MSRA: variants seen among roughly 807,000 people sequenced by gnomAD.
The protein encoded by MSRA is mitochondrial peptide methionine sulfoxide reductase.
MSRA carries 54 observed loss-of-function variants against 31.3 expected under a neutral mutation model. The observed-to-expected ratio is 1.73, with a 90% confidence interval of 1.39 to 2.17. The LOEUF (loss-of-function observed/expected upper bound fraction) is 2.17. Ranked by LOEUF, MSRA falls within the 30% of genes most tolerant of loss-of-function variation. The pLI is 0.00. For missense variants in MSRA, 507 were observed against 300.9 expected, an observed-to-expected ratio of 1.69 and a Z score of -5.07; for synonymous variants, 169 against 116.5, an observed-to-expected ratio of 1.45 and a Z score of -2.90.
chr8:10,133,577 C>G (rs1236376776), intron 1 of MSRA, among the ~76,000 whole-genome samples: 1 of 152,168 alleles, frequency 6.6e-6, no homozygotes, highest in African/African-American at 2.4e-5. Context: ...TGTGGCCCTT[C>G]CAGTGTGAAC....
chr8:10,069,756 A>G (rs1797640557), intron 1 of MSRA, among the ~76,000 whole-genome samples: 1 of 152,188 alleles, frequency 6.6e-6, no homozygotes, highest in Admixed American at 6.5e-5. Context: ...TGGGAATTCA[A>G]TTTCAACACC....
Position 10,206,045 on chromosome 8 carries a change from C to T in MSRA, c.143-1788C>T, listed in dbSNP as rs545914138. 1.5e-4 allele frequency among the ~76,000 whole-genome samples: 23 copies of T among 152,172 alleles called. No individual in the cohort carries two copies. The South Asian group carries it at 4.4e-3, about 29-fold the overall frequency. On this transcript the variant is annotated intron_variant, in intron 1 of 5. Coordinates refer to ENST00000317173, the MANE Select transcript of MSRA (RefSeq NM_012331.5). ...TATTATGTGTATCACCTTTTCTTCT[C>T]GTGTGTTTTTTTCTTAAGGTGTATT...
chr8:10,119,342 T>C (rs77157857), intron 1 of MSRA, among the ~76,000 whole-genome samples: 2,553 of 152,314 alleles, frequency 0.017, 40 homozygotes, highest in South Asian at 0.035. Flanking sequence ...CGCTGTAGGA[T>C]CCTGCTATTT....
chr8:10,310,823 A>G (rs987011170), intron 4 of MSRA, among the ~76,000 whole-genome samples: 10 of 152,264 alleles, frequency 6.6e-5, no homozygotes, highest in African/African-American at 2.4e-4. Context: ...ATCAGAAAGC[A>G]GAAAACATGA....
chr8:10,242,265 C>T (rs1299145399), intron 2 of MSRA, among the ~76,000 whole-genome samples: 20 of 98,638 alleles, frequency 2.0e-4, no homozygotes, highest in Middle Eastern at 4.7e-3. Flanking sequence ...AGGGAGACTC[C>T]ATCTCAAAAA....
At chr8:10,374,913 C>G (rs898346531) in intron 5 of MSRA, among the ~76,000 whole-genome samples, 5 of 152,110 alleles carry the variant, frequency 3.3e-5, no homozygotes, top group African/African-American at 1.2e-4. Context: ...CATGCAAGAG[C>G]TGGTTGCTTA....
At chr8:10,104,676 A>G (rs892830284) in intron 1 of MSRA, among the ~76,000 whole-genome samples, 6 of 152,210 alleles carry the variant, frequency 3.9e-5, no homozygotes, top group African/African-American at 1.4e-4. Context: ...AATGTTTCTT[A>G]TCAGACTTAA....
chr8:10,124,543 C>T (rs1315535611), intron 1 of MSRA, among the ~76,000 whole-genome samples: 2 of 152,250 alleles, frequency 1.3e-5, no homozygotes, highest in African/African-American at 2.4e-5. Flanking sequence ...CTAGGACTCA[C>T]TTCTTGCTCC....
At position 10,229,393 on chromosome 8, in the gene MSRA, A is replaced by G. The variant is rs115484895; in HGVS notation, c.212-15711A>G. Among the ~76,000 whole-genome samples the G allele has an allele frequency of 1.8e-3, 278 of 152,324 alleles. 3 individuals are homozygous for G. Among genetic ancestry groups the G allele is most frequent in the African/African-American group, 6.4e-3 (268 of 41,572 alleles). On this transcript the variant is annotated intron_variant, in intron 2 of 5. Coordinates refer to ENST00000317173, the MANE Select transcript of MSRA (RefSeq NM_012331.5). ...GGAGAAACTGGCTCAGGAATTCTGT[A>G]GGCAGCGTCCAGAGAGGCTGCTATG... is the stretch of plus-strand genomic sequence containing the variant.
At chr8:10,231,205 C>G (rs1429161577) in intron 2 of MSRA, among the ~76,000 whole-genome samples, 1 of 151,586 alleles carries the variant, frequency 6.6e-6, no homozygotes, top group Non-Finnish European at 1.5e-5. Context: ...GGGAGGAGGG[C>G]TGCAGTGAGG....
chr8:10,412,431 A>G (rs1353450541), intron 5 of MSRA, among the ~76,000 whole-genome samples: 1 of 152,246 alleles, frequency 6.6e-6, no homozygotes, highest in African/African-American at 2.4e-5. Context: ...ATGGGAATGA[A>G]TGTGGACCTG....
intron 1 of MSRA, among the ~76,000 whole-genome samples, chr8:10,156,226 G>A (rs1804142599): frequency 1.3e-5 from 2 of 152,198 alleles, no homozygotes; most frequent in Admixed American, 1.3e-4. Flanking sequence ...AAACAAAATG[G>A]CTATAAAGGA....
At chr8:10,246,757 G>A (rs1797642837) in intron 3 of MSRA, among the ~76,000 whole-genome samples, 1 of 152,176 alleles carries the variant, frequency 6.6e-6, no homozygotes, top group Non-Finnish European at 1.5e-5. Flanking sequence ...TCTAGAGAAG[G>A]ATTGAAATAT....
intron 1 of MSRA, among the ~76,000 whole-genome samples, chr8:10,072,438 G>A (rs759037151): frequency 5.9e-5 from 9 of 151,942 alleles, no homozygotes; most frequent in Non-Finnish European, 8.8e-5. Context: ...TCTGTTTCTG[G>A]GTCCTTACTC....
intron 3 of MSRA, among the ~76,000 whole-genome samples, chr8:10,277,889 A>G (rs1241011087): frequency 3.9e-5 from 6 of 152,172 alleles, no homozygotes; most frequent in Admixed American, 2.6e-4. Flanking sequence ...ATTTTTATTT[A>G]TCAATAAAAA....
chr8:10,125,124 A>T (rs1352874057), intron 1 of MSRA, among the ~76,000 whole-genome samples: 2 of 152,218 alleles, frequency 1.3e-5, no homozygotes, highest in African/African-American at 4.8e-5. Flanking sequence ...CCAGATTTTG[A>T]GGATATGTCC....
At chr8:10,180,351 A>G (rs1806432151) in intron 1 of MSRA, among the ~76,000 whole-genome samples, 1 of 152,112 alleles carries the variant, frequency 6.6e-6, no homozygotes, top group African/African-American at 2.4e-5. Context: ...TTGGGGTGCT[A>G]CCCTCCCTCA....
chr8:10,255,934 G>A (rs1056789215), intron 3 of MSRA, among the ~76,000 whole-genome samples: 7 of 151,976 alleles, frequency 4.6e-5, no homozygotes, highest in South Asian at 4.2e-4. Context: ...CACCATGCCC[G>A]CTATCAACAT....
chr8:10,306,730 A>G (rs1164984382), intron 4 of MSRA, among the ~76,000 whole-genome samples: 2 of 152,186 alleles, frequency 1.3e-5, no homozygotes, highest in Non-Finnish European at 1.5e-5. Flanking sequence ...AACACAATTC[A>G]GACCTCCTAG....
Sources: gnomAD v4.1 joint callset for allele counts (sites outside exome capture counted in the v4.1 genomes callset) on GRCh38, gnomAD v4.1.1 for gene constraint, MANE v1.5 for transcripts, NCBI Gene and HGNC (gene_info 2026-07-23, HGNC 2026-07-21) for gene names.